SPTBN1: variants seen among roughly 807,000 people sequenced by gnomAD.
SPTBN1 encodes spectrin beta, non-erythrocytic 1.
A neutral mutation model predicts 266.4 loss-of-function variants in SPTBN1; 32 were observed. The ratio of observed to expected loss-of-function variants is 0.12; its 90% confidence interval spans 0.09 to 0.16. The LOEUF (loss-of-function observed/expected upper bound fraction) is 0.16, where lower values mean the gene tolerates loss of function less well. SPTBN1 is among the 10% of genes least tolerant of loss of function. The probability of loss-of-function intolerance (pLI) is 1.00; values close to 1 mark genes in which losing one functional copy is unlikely to be tolerated. For missense variants in SPTBN1, 2,296 were observed against 3,067.1 expected (o/e 0.75, Z 5.94); for synonymous variants, 1,336 against 1,162.2 (o/e 1.15, Z -3.04).
At chr2:54,492,219 T>TA (rs769695226) in intron 1 of SPTBN1, among the ~76,000 whole-genome samples, 5 of 152,210 alleles carry the variant, frequency 3.3e-5, no homozygotes, top group Non-Finnish European at 5.9e-5. Flanking sequence ...CCTTTGTTTT[T>TA]ATGGGTTGTA....
chr2:54,464,984 G>A lies in SPTBN1; in HGVS notation c.-48+8466G>A, dbSNP rs553583796. 5.9e-5 allele frequency among the ~76,000 whole-genome samples: 9 copies of A among 152,234 alleles called. No homozygotes were observed. In the South Asian group the frequency reaches 1.9e-3, roughly 32 times the overall value. ...TGGGATTACAAATGTGAGCCACCGT[G>A]CCCAGCCTTGGGCACCATTTTTTAA... On this transcript the variant is annotated intron_variant, in intron 1 of 35. Coordinates refer to ENST00000356805, the MANE Select transcript of SPTBN1 (RefSeq NM_003128.3).
intron 1 of SPTBN1, among the ~76,000 whole-genome samples, chr2:54,482,626 G>A (rs1479765628): frequency 6.6e-6 from 1 of 152,200 alleles, no homozygotes; most frequent in Admixed American, 6.5e-5. Context: ...GAAGTAAACT[G>A]AAACTTCATT....
chr2:54,633,293 C>A (rs750946558), intron 17 of SPTBN1, among the ~76,000 whole-genome samples: 32 of 152,212 alleles, frequency 2.1e-4, no homozygotes, highest in African/African-American at 7.5e-4. Flanking sequence ...GTAATAGGAT[C>A]TTTTTCATGA....
At chr2:54,606,374 TC>T (rs1676840552) in intron 3 of SPTBN1, among the ~76,000 whole-genome samples, 1 of 152,200 alleles carries the variant, frequency 6.6e-6, no homozygotes, top group African/African-American at 2.4e-5. Flanking sequence ...TCCCCCTTGA[TC>T]TGCAGTTCCC....
chr2:54,457,192 G>A (rs1179585529), intron 1 of SPTBN1: 1 of 77,336 alleles, frequency 1.3e-5, no homozygotes, highest in Non-Finnish European at 2.4e-5. Flanking sequence ...ACTCTCCCAG[G>A]GCTGGGCGTG....
intron 1 of SPTBN1, among the ~76,000 whole-genome samples, chr2:54,473,833 G>A (rs1391895250): frequency 6.6e-6 from 1 of 152,206 alleles, no homozygotes; most frequent in African/African-American, 2.4e-5. Flanking sequence ...ACATGTATAT[G>A]GGATGTTCTG....
In SPTBN1 at chr2:54,631,591, G is replaced by A. The variant is rs150398517; in HGVS notation, c.3544G>A (p.Glu1182Lys). ...QQFLRDTKQAEAFLNNQEYVL... is the reference protein window; with the variant it reads ...QQFLRDTKQAKAFLNNQEYVL... ...GTTCCTCAGAGACACGAAGCAAGCC[G>A]AAGCCTTTCTTAACAACCAGGTAAG... The change falls in exon 16 of 36, where the codon GAA becomes AAA. Residue 1182 changes from glutamate to lysine, a missense_variant. Coordinates refer to ENST00000356805, the MANE Select transcript of SPTBN1 (RefSeq NM_003128.3). The A allele has an allele frequency of 6.2e-6, 10 of 1,611,380 alleles. No individual in the cohort carries two copies. Among genetic ancestry groups the A allele is most frequent in the Middle Eastern group, 3.3e-4 (2 of 6,076 alleles).
chr2:54,602,414 A>G (rs530072353), intron 3 of SPTBN1, among the ~76,000 whole-genome samples: 1 of 152,262 alleles, frequency 6.6e-6, no homozygotes, highest in African/African-American at 2.4e-5. Flanking sequence ...CCTGCACTTC[A>G]ATGGTAATGT....
At position 54,669,414 on chromosome 2, in the gene SPTBN1, G is replaced by C. The variant is rs907560951; in HGVS notation, c.*845G>C. 1 of 152,566 alleles carries C rather than the reference G, an allele frequency of 6.6e-6. No individual in the cohort carries two copies. The highest frequency in any genetic ancestry group is 1.5e-5 in the Non-Finnish European group (1 of 68,040). The allele number at this position is 152,566 out of a possible 1,614,324, so 9.5% of individuals were successfully genotyped here. ...TACTCTAATGGTTACTTGCTCGTGC[G>C]TTGCCACACTGTGTTATAATTTGCT... On this transcript the variant is annotated 3_prime_UTR_variant, in exon 36 of 36. Coordinates refer to ENST00000356805, the MANE Select transcript of SPTBN1 (RefSeq NM_003128.3).
intron 2 of SPTBN1, among the ~76,000 whole-genome samples, chr2:54,556,086 G>C (rs1313807467): frequency 6.6e-6 from 1 of 152,206 alleles, no homozygotes; most frequent in East Asian, 1.9e-4. Flanking sequence ...ATTAAATACT[G>C]TAAATACAGA....
Position 54,668,562 on chromosome 2 carries a change from A to G in SPTBN1, c.7088A>G (p.Lys2363Arg). Residue 2363 changes from lysine (K) to arginine (R), a missense_variant, in exon 36 of 36, where the codon AAG becomes AGG. By Grantham distance (26) the Lys-to-Arg change is conservative (BLOSUM62 2). This residue lies in a region of SPTBN1 where 347 missense variants were observed against 368.5 expected (regional missense o/e 0.94). Transcript: ENST00000356805. ...KEKRFSLFGKKK is the reference protein window; with the variant it reads ...KEKRFSLFGKRK ...AAGCGGTTCAGCCTTTTTGGCAAAA[A>G]GAAATGAACTCCTTTCCTTCACCTC... is the stretch of plus-strand genomic sequence containing the variant. 6.2e-7 allele frequency: 1 copy of G among 1,612,390 alleles called. No individual in the cohort carries two copies. Among genetic ancestry groups the G allele is most frequent in the Non-Finnish European group, 8.5e-7 (1 of 1,179,142 alleles).
intron 1 of SPTBN1, among the ~76,000 whole-genome samples, chr2:54,510,574 C>G (rs1199883616): frequency 6.6e-6 from 1 of 152,298 alleles, no homozygotes; most frequent in East Asian, 1.9e-4. Context: ...CTGATTTTGA[C>G]AACAGAAGCA....
chr2:54,482,005 A>G (rs1345764487), intron 1 of SPTBN1, among the ~76,000 whole-genome samples: 1 of 151,904 alleles, frequency 6.6e-6, no homozygotes, highest in Non-Finnish European at 1.5e-5. Context: ...TTTTTTGGAC[A>G]TGGTTTTGCT....
intron 3 of SPTBN1, among the ~76,000 whole-genome samples, chr2:54,602,886 C>G (rs1441267753): frequency 6.6e-6 from 1 of 152,200 alleles, no homozygotes; most frequent in East Asian, 1.9e-4. Flanking sequence ...GAGAACCATA[C>G]TGGTACATAT....
At chr2:54,605,906 T>C (rs1395741698) in intron 3 of SPTBN1, among the ~76,000 whole-genome samples, 3 of 152,200 alleles carry the variant, frequency 2.0e-5, no homozygotes, top group Non-Finnish European at 4.4e-5. Flanking sequence ...GCACAGCCAG[T>C]CGCCATCAGC....
rs558021589 is a variant in SPTBN1 at position 54,653,268 on chromosome 2, A to C, written c.5578-341A>C. ...TATCTTTACCCCGAGATAGCAGATT[A>C]GGTATTTATTTTTTGGACTGTATCT... On this transcript the variant is annotated intron_variant, in intron 26 of 35. Coordinates refer to ENST00000356805, the MANE Select transcript of SPTBN1 (RefSeq NM_003128.3). This position sits in a 1 kb window ranked among gnomAD's most constrained non-coding sequence, Gnocchi z 5.1. 1 of 198,426 alleles carries C rather than the reference A, an allele frequency of 5.0e-6. No individual in the cohort carries two copies. Among genetic ancestry groups the C allele is most frequent in the Non-Finnish European group, 1.0e-5 (1 of 99,092 alleles). The allele number at this position is 198,426 out of a possible 1,614,324, so 12.3% of individuals were successfully genotyped here. A position where few individuals can be genotyped will look rare whatever the true frequency, so the allele number is the denominator to read the frequency against.
intron 9 of SPTBN1, among the ~76,000 whole-genome samples, chr2:54,623,150 T>G (rs1325653339): frequency 6.6e-6 from 1 of 152,200 alleles, no homozygotes; most frequent in Non-Finnish European, 1.5e-5. Flanking sequence ...AGGTAGACAT[T>G]TGAAATAATC....
chr2:54,534,811 G>A (rs542529484), intron 2 of SPTBN1, among the ~76,000 whole-genome samples: 2 of 152,190 alleles, frequency 1.3e-5, no homozygotes, highest in Non-Finnish European at 2.9e-5. Flanking sequence ...TGGAAGCCTC[G>A]TGCTCCCAGA....
At chr2:54,579,267 G>T (rs566204508) in intron 2 of SPTBN1, among the ~76,000 whole-genome samples, 2 of 152,066 alleles carry the variant, frequency 1.3e-5, no homozygotes, top group Non-Finnish European at 2.9e-5. Context: ...AACAGCTTCC[G>T]TTTGACCTGA....
Sources: gnomAD v4.1 joint callset for allele counts (sites outside exome capture counted in the v4.1 genomes callset) on GRCh38, gnomAD v4.1.1 for gene constraint, gnomAD v4.1.1 regional missense constraint, Gnocchi (gnomAD v3.1) non-coding constraint, MANE v1.5 for transcripts, NCBI Gene and HGNC (gene_info 2026-07-23, HGNC 2026-07-21) for gene names.